RPS6KA6: variants seen among roughly 807,000 people sequenced by gnomAD.
RPS6KA6 encodes ribosomal protein S6 kinase A6.
In RPS6KA6, 27 loss-of-function variants were observed where a neutral mutation model predicts 65.4. That is an observed-to-expected ratio of 0.41 (90% CI 0.30 to 0.57). The LOEUF is 0.57. Among genes scored for constraint, RPS6KA6 ranks in the 20% least tolerant of loss-of-function variants. The pLI, the probability that RPS6KA6 is intolerant of heterozygous loss-of-function variation, is 0.24. For synonymous variants in RPS6KA6, 190 were observed against 184.2 expected, an observed-to-expected ratio of 1.03 and a Z score of -0.26; for missense variants, 486 against 555.6, an observed-to-expected ratio of 0.87 and a Z score of 1.26.
chrX:84,095,564 T>C (rs2034135992), intron 20 of RPS6KA6, among the ~76,000 whole-genome samples: 1 of 111,431 alleles, frequency 9.0e-6, no homozygotes, highest in Non-Finnish European at 1.9e-5. Flanking sequence ...ATAGTACATT[T>C]TGAAGACTCA....
intron 20 of RPS6KA6, among the ~76,000 whole-genome samples, chrX:84,090,021 C>T (rs929518532): frequency 1.8e-5 from 2 of 112,109 alleles, no homozygotes; most frequent in African/African-American, 6.5e-5. Flanking sequence ...TTTTCCTATT[C>T]TCACAGTACT....
At chrX:84,169,428 T>TAA (rs5902844) in intron 1 of RPS6KA6, among the ~76,000 whole-genome samples, 27 of 102,094 alleles carry the variant, frequency 2.6e-4, no homozygotes, top group Middle Eastern at 5.1e-3. Flanking sequence ...ACTGAGAAAT[T>TAA]AAAAAAAAAA....
At chrX:84,135,033 A>T in intron 7 of RPS6KA6, 71 bp downstream of exon 7, 3 of 757,651 alleles carry the variant, frequency 4.0e-6, no homozygotes, top group Non-Finnish European at 6.0e-6. Flanking sequence ...TATTTAAAAG[A>T]TCTAACAGAG....
Position 84,106,910 on chromosome X carries a change from C to T in RPS6KA6, c.1242G>A (p.Gln414=). 8.6e-7 allele frequency: 1 copy of T among 1,166,729 alleles called. No individual in the cohort carries two copies. The highest frequency in any genetic ancestry group is 1.2e-6 in the Non-Finnish European group (1 of 866,348). Residue 414 remains glutamine, a splice_region_variant and synonymous_variant, in exon 14 of 22, where the codon CAG becomes CAA. Transcript: ENST00000262752. Reference sequence around the variant, plus strand: ...AATAATGTGATTAAGTGGAATTTACCTGAACAATTGGTAATACATTTGCAC... The same window carrying T: ...AATAATGTGATTAAGTGGAATTTACTTGAACAATTGGTAATACATTTGCAC... The part of the protein sequence containing the change: ...ITSANVLPIV[Q]INGNAAQFGE...
At chrX:84,087,115 A>G (rs947330351) in intron 20 of RPS6KA6, among the ~76,000 whole-genome samples, 1 of 111,144 alleles carries the variant, frequency 9.0e-6, no homozygotes, top group African/African-American at 3.3e-5. Flanking sequence ...CCAGCTTGGC[A>G]TTCTGTGTCT....
intron 20 of RPS6KA6, among the ~76,000 whole-genome samples, chrX:84,094,952 A>G (rs1459202520): frequency 1.8e-5 from 2 of 112,352 alleles, no homozygotes; most frequent in East Asian, 5.6e-4. Flanking sequence ...ATCACATTAC[A>G]TGGGGAAATT....
Position 84,063,186 on chromosome X carries a change from G to A in RPS6KA6, c.*1091C>T, listed in dbSNP as rs1279207452. 1 of 111,239 alleles carries A rather than the reference G, an allele frequency of 9.0e-6. No homozygotes were observed. The highest frequency in any genetic ancestry group is 2.8e-4 in the East Asian group (1 of 3,577). 9.2% of individuals were successfully genotyped at this position (111,239 alleles called of 1,213,427 possible). A position where few individuals can be genotyped will look rare whatever the true frequency, so the allele number is the denominator to read the frequency against. On this transcript the variant is annotated 3_prime_UTR_variant, in exon 22 of 22. Transcript: ENST00000262752. ...ATTTAAAATGTTAGTTTATCTTCAT[G>A]AAGTAAAATGATTAAGTAGCATTGT...
chrX:84,073,465 G>T (rs964734277), intron 20 of RPS6KA6, among the ~76,000 whole-genome samples: 2 of 111,204 alleles, frequency 1.8e-5, no homozygotes, highest in African/African-American at 6.5e-5. Flanking sequence ...ACGTTGGTTT[G>T]GATAAGAATT....
rs1261269390 is a variant in RPS6KA6 at position 84,158,524 on chromosome X, C to T, written c.142-2333G>A. On this transcript the variant is annotated intron_variant, in intron 2 of 21. Transcript: ENST00000262752. ...TTGTGTCAGCTTTGAATATAACCAA[C>T]TTTGTGATAACAATATTTCTAAATA... Among the ~76,000 whole-genome samples the T allele has an allele frequency of 2.7e-5, 3 of 110,865 alleles. No individual in the cohort carries two copies. The East Asian group carries it at 8.5e-4, about 31-fold the overall frequency.
At chrX:84,079,149 T>C (rs1221062346) in intron 20 of RPS6KA6, among the ~76,000 whole-genome samples, 1 of 110,502 alleles carries the variant, frequency 9.0e-6, no homozygotes, top group African/African-American at 3.3e-5. Flanking sequence ...AGACAGTGGG[T>C]ACAGCCCACA....
Position 84,102,022 on chromosome X carries a change from G to A in RPS6KA6, c.1776+15C>T. 8.7e-7 allele frequency: 1 copy of A among 1,154,517 alleles called. No individual in the cohort carries two copies. Among genetic ancestry groups the A allele is most frequent in the Non-Finnish European group, 1.2e-6 (1 of 864,288 alleles). Reference sequence around the variant, plus strand: ...AAAAGAATGAAAGGCAAATGGTGAAGTTTTTAAGGAATACCTCAGGTGCAA... The same window carrying A: ...AAAAGAATGAAAGGCAAATGGTGAAATTTTTAAGGAATACCTCAGGTGCAA... On this transcript the variant is annotated intron_variant, in intron 18 of 21. Transcript: ENST00000262752.
intron 20 of RPS6KA6, among the ~76,000 whole-genome samples, chrX:84,094,692 G>T (rs1450271465): frequency 9.1e-6 from 1 of 110,328 alleles, no homozygotes; most frequent in African/African-American, 3.3e-5. Context: ...ATAAATAAAA[G>T]ACCTTGCAAG....
At chrX:84,099,540 G>C (rs1457911588) in intron 18 of RPS6KA6, among the ~76,000 whole-genome samples, 8 of 110,623 alleles carry the variant, frequency 7.2e-5, no homozygotes, top group African/African-American at 2.6e-4. Flanking sequence ...TAACGTTTGG[G>C]GCAAACTATA....
At chrX:84,121,247 T>C (rs1449103797) in intron 8 of RPS6KA6, among the ~76,000 whole-genome samples, 2 of 111,628 alleles carry the variant, frequency 1.8e-5, no homozygotes, top group Admixed American at 1.9e-4. Context: ...ACTGTATTTG[T>C]TATGAGCCAC....
intron 20 of RPS6KA6, among the ~76,000 whole-genome samples, chrX:84,094,772 A>T (rs2034121122): frequency 8.9e-6 from 1 of 112,358 alleles, no homozygotes; most frequent in African/African-American, 3.2e-5. Flanking sequence ...ACTGTGAGCC[A>T]ACCAGGAACT....
chrX:84,135,631 C>CT (rs1481871243), intron 6 of RPS6KA6, among the ~76,000 whole-genome samples: 24 of 111,288 alleles, frequency 2.2e-4, no homozygotes, highest in Non-Finnish European at 3.8e-4. Context: ...GAGAATTCCA[C>CT]TATTTATACC....
At chrX:84,177,218 T>G (rs1986542282) in intron 1 of RPS6KA6, among the ~76,000 whole-genome samples, 1 of 112,156 alleles carries the variant, frequency 8.9e-6, no homozygotes, top group African/African-American at 3.2e-5. Context: ...TAATTATATA[T>G]GATACTTAAA....
In RPS6KA6 at chrX:84,063,459, T is replaced by C. The variant is rs1040611240; in HGVS notation, c.*818A>G. The C allele has an allele frequency of 7.2e-5, 8 of 111,458 alleles. No individual in the cohort carries two copies. The highest frequency in any genetic ancestry group is 2.6e-4 in the African/African-American group (8 of 30,745). 9.2% of individuals were successfully genotyped at this position (111,458 alleles called of 1,213,427 possible). A position where few individuals can be genotyped will look rare whatever the true frequency, so the allele number is the denominator to read the frequency against. ...ACACCAGGATAGTGTCAACACCACA[T>C]ACTTCATTTTCAAAGGCTTAACTAT... On this transcript the variant is annotated 3_prime_UTR_variant, in exon 22 of 22. Transcript: ENST00000262752.
In RPS6KA6 at chrX:84,106,837, G is replaced by C. The variant is rs907502299; in HGVS notation, c.1242+73C>G. 4.7e-6 allele frequency: 4 copies of C among 850,694 alleles called. No individual in the cohort carries two copies. In the Admixed American group the frequency reaches 1.4e-4, roughly 31 times the overall value. The allele number at this position is 850,694 out of a possible 1,213,427, so 70.1% of individuals were successfully genotyped here. ...AGTTAAAAATCACTTTAAAAAAAAC[G>C]ATTAAAAATACATCAGCAATAACAG... is the stretch of plus-strand genomic sequence containing the variant. On this transcript the variant is annotated intron_variant, in intron 14 of 21. Coordinates refer to ENST00000262752, the MANE Select transcript of RPS6KA6 (RefSeq NM_014496.5).
Sources: allele counts gnomAD v4.1 joint callset (sites outside exome capture counted in the v4.1 genomes callset), GRCh38; gene constraint gnomAD v4.1.1; transcripts MANE v1.5; gene names NCBI Gene and HGNC (gene_info 2026-07-23, HGNC 2026-07-21).